Variants in TCERG1 observed in about 807,000 individuals in gnomAD.
TCERG1 encodes transcription elongation regulator 1.
Under a neutral mutation model 144.7 loss-of-function variants are expected in TCERG1, and 37 were observed. The ratio of observed to expected loss-of-function variants is 0.26; its 90% confidence interval spans 0.20 to 0.34. The LOEUF (loss-of-function observed/expected upper bound fraction) is 0.34. TCERG1 is among the 10% of genes least tolerant of loss of function. The pLI is 1.00. For missense variants in TCERG1, 1,027 were observed against 1,380.7 expected (o/e 0.74, Z 4.06); for synonymous variants, 492 against 458.2 (o/e 1.07, Z -0.94).
intron 15 of TCERG1, among the ~76,000 whole-genome samples, chr5:146,484,612 C>T (rs952027274): frequency 6.6e-6 from 1 of 152,140 alleles, no homozygotes; most frequent in African/African-American, 2.4e-5. Context: ...AAAGACATAA[C>T]TTCCTTAATG....
At chr5:146,462,729 C>G (rs1231216014) in intron 4 of TCERG1, among the ~76,000 whole-genome samples, 1 of 151,926 alleles carries the variant, frequency 6.6e-6, no homozygotes, top group Non-Finnish European at 1.5e-5. Flanking sequence ...TTTTTCTGTT[C>G]TTTTCTTCCT....
intron 15 of TCERG1, among the ~76,000 whole-genome samples, chr5:146,485,938 G>T (rs780833010): frequency 2.0e-5 from 3 of 152,090 alleles, no homozygotes. Flanking sequence ...CAAGTAATCC[G>T]CCTGCCTTGG....
chr5:146,496,543 A>G (rs1480560402), intron 16 of TCERG1, among the ~76,000 whole-genome samples: 1 of 151,720 alleles, frequency 6.6e-6, no homozygotes, highest in Non-Finnish European at 1.5e-5. Context: ...ATTTTTTTTC[A>G]TTAGTTTTAG....
intron 19 of TCERG1, among the ~76,000 whole-genome samples, chr5:146,506,750 A>G (rs1768037967): frequency 6.6e-6 from 1 of 152,190 alleles, no homozygotes; most frequent in African/African-American, 2.4e-5. Context: ...ATGTGAGACT[A>G]TGCAGTATTT....
chr5:146,474,658 C>A lies in TCERG1; in HGVS notation c.1601+3082C>A, dbSNP rs1478339478. ...GTCTTATTTTAAGAAATTGCCACAG[C>A]TACCCCAGTCATCAGCAACCACCAG... On this transcript the variant is annotated intron_variant, in intron 9 of 22. Coordinates refer to ENST00000679501, the MANE Select transcript of TCERG1 (RefSeq NM_001382548.1). 3.3e-5 allele frequency among the ~76,000 whole-genome samples: 5 copies of A among 152,254 alleles called. No individual in the cohort carries two copies. The South Asian group carries it at 8.3e-4, about 25-fold the overall frequency.
chr5:146,450,032 A>T (rs1293929244), intron 1 of TCERG1, among the ~76,000 whole-genome samples: 2 of 152,244 alleles, frequency 1.3e-5, no homozygotes, highest in African/African-American at 4.8e-5. Context: ...GTTAATACGG[A>T]TAATGTCTGT....
chr5:146,510,719 C>A lies in TCERG1; in HGVS notation c.*77C>A. ...ATTTTCAGGTTTTTACATATATGTG[C>A]ATTAGTCAACCTATTGCGAAACCAT... On this transcript the variant is annotated 3_prime_UTR_variant, in exon 23 of 23. Coordinates refer to ENST00000679501, the MANE Select transcript of TCERG1 (RefSeq NM_001382548.1). The A allele has an allele frequency of 1.4e-6, 2 of 1,410,454 alleles. No homozygotes were observed. The highest frequency in any genetic ancestry group is 1.9e-6 in the Non-Finnish European group (2 of 1,034,802). 87.4% of individuals were successfully genotyped at this position (1,410,454 alleles called of 1,614,324 possible).
chr5:146,487,595 T>A (rs1038088676), intron 15 of TCERG1, among the ~76,000 whole-genome samples: 10 of 151,870 alleles, frequency 6.6e-5, no homozygotes, highest in Admixed American at 6.6e-4. Context: ...ACTAGCCAGG[T>A]GTGGTGTCGT....
chr5:146,504,868 G>A (rs1452722051), intron 19 of TCERG1, among the ~76,000 whole-genome samples: 4 of 152,070 alleles, frequency 2.6e-5, no homozygotes, highest in South Asian at 2.1e-4. Context: ...CCAACATGGC[G>A]AAACCCCGTC....
chr5:146,510,896 CT>C lies in TCERG1; in HGVS notation c.*258del. ...TAAAATCTTGAAGCTAAAATTCATC[CT>C]TTTATGAGGTGTGGAAGTCAGTGAC... On this transcript the variant is annotated 3_prime_UTR_variant, in exon 23 of 23. Transcript: ENST00000679501. 3.3e-6 allele frequency: 1 copy of C among 300,950 alleles called. No homozygotes were observed. The highest frequency in any genetic ancestry group is 6.1e-6 in the Non-Finnish European group (1 of 163,752). 18.6% of individuals were successfully genotyped at this position (300,950 alleles called of 1,614,324 possible). A position where few individuals can be genotyped will look rare whatever the true frequency, so the allele number is the denominator to read the frequency against.
Position 146,509,714 on chromosome 5 carries a change from C to T in TCERG1, c.3146+469C>T, listed in dbSNP as rs73311448. 5.5e-3 allele frequency among the ~76,000 whole-genome samples: 832 copies of T among 152,106 alleles called. 9 individuals carry two copies. Among genetic ancestry groups the T allele is most frequent in the African/African-American group, 0.019 (789 of 41,472 alleles). On this transcript the variant is annotated intron_variant, in intron 22 of 22. Transcript: ENST00000679501. ...TCAGAGGAAAGCATTTTGCTGGGTA[C>T]ATTTAAATAAAAATTGTAAATTATG...
chr5:146,457,485 G>A, intron 3 of TCERG1, 150 bp downstream of exon 3: 1 of 773,406 alleles, frequency 1.3e-6, no homozygotes, highest in South Asian at 2.1e-5. Flanking sequence ...AAGCTGACTG[G>A]ATTTAGTTTT....
intron 16 of TCERG1, among the ~76,000 whole-genome samples, chr5:146,493,971 A>T (rs77814645): frequency 0.064 from 9,673 of 152,046 alleles, 426 homozygotes; most frequent in Non-Finnish European, 0.085. Flanking sequence ...GGAAAGAGTG[A>T]TGTTGTTTAA....
At chr5:146,482,767 A>C (rs1177206300) in intron 14 of TCERG1, 40 bp downstream of exon 14, 1 of 1,554,278 alleles carries the variant, frequency 6.4e-7, no homozygotes, top group African/African-American at 1.4e-5. Flanking sequence ...TCTGTTTTGT[A>C]TAAGTAATAT....
intron 1 of TCERG1, among the ~76,000 whole-genome samples, chr5:146,451,988 A>G (rs761262598): frequency 1.4e-4 from 21 of 151,578 alleles, no homozygotes; most frequent in Admixed American, 1.2e-3. Context: ...GGGTTTTGCT[A>G]TGTTGGCCAG....
At chr5:146,504,968 C>T (rs146968755) in intron 19 of TCERG1, among the ~76,000 whole-genome samples, 7,865 of 152,012 alleles carry the variant, frequency 0.052, 285 homozygotes, top group Middle Eastern at 0.11. Flanking sequence ...ATCACTTGTA[C>T]CTGGGAGGCG....
intron 5 of TCERG1, among the ~76,000 whole-genome samples, chr5:146,464,157 T>G (rs1409789684): frequency 3.3e-5 from 5 of 152,224 alleles, no homozygotes; most frequent in Admixed American, 3.3e-4. Flanking sequence ...GTTGGATGAT[T>G]TATATACAGT....
intron 16 of TCERG1, among the ~76,000 whole-genome samples, chr5:146,495,223 A>T (rs184205843): frequency 1.0e-3 from 157 of 152,164 alleles, no homozygotes; most frequent in African/African-American, 2.3e-3. Flanking sequence ...CAGATTTTTT[A>T]AAAAAAATTT....
At chr5:146,471,397 A>C in intron 8 of TCERG1, 91 bp from the exon 9 acceptor site, 1 of 1,147,192 alleles carries the variant, frequency 8.7e-7, no homozygotes, top group Non-Finnish European at 1.2e-6. Flanking sequence ...TTTTGTGTTG[A>C]TTGCACTTTG....
Sources: gnomAD v4.1 joint callset for allele counts (sites outside exome capture counted in the v4.1 genomes callset) on GRCh38, gnomAD v4.1.1 for gene constraint, MANE v1.5 for transcripts, NCBI Gene and HGNC (gene_info 2026-07-23, HGNC 2026-07-21) for gene names.